Variants in KLF6 observed in about 807,000 individuals in gnomAD.
The protein encoded by KLF6 is KLF transcription factor 6, also known as Krueppel-like factor 6.
For missense variants in KLF6, 233 were observed against 359.8 expected, an observed-to-expected ratio of 0.65 and a Z score of 2.85; for synonymous variants, 152 against 147.9, an observed-to-expected ratio of 1.03 and a Z score of -0.20.
In KLF6 at chr10:3,777,129, TA is replaced by T. The variant is rs35557366; in HGVS notation, c.*2409del. ...AGGTAAATGTATTCATCAGCCCAGA[TA>T]AAAAAAAAACCAGTTATGTGAGCGT... On this transcript the variant is annotated 3_prime_UTR_variant, in exon 4 of 4. Transcript: ENST00000497571. 141 of 480,196 alleles carry T rather than the reference TA, an allele frequency of 2.9e-4. No individual in the cohort carries two copies. The highest frequency in any genetic ancestry group is 4.2e-4 in the East Asian group (9 of 21,342). 29.7% of individuals were successfully genotyped at this position (480,196 alleles called of 1,614,324 possible).
chr10:3,780,736 A>G lies in KLF6; in HGVS notation c.677-507T>C. On this transcript the variant is annotated intron_variant, in intron 2 of 3. Coordinates refer to ENST00000497571, the MANE Select transcript of KLF6 (RefSeq NM_001300.6). The surrounding 1 kb of genome is among the most constrained non-coding windows in gnomAD (Gnocchi z 4.6). The stretch of plus-strand genomic sequence containing the variant: ...GTACAGGGCCCCGGAATCATTCTCT[A>G]AATGGCAATTGAACAACTGGGTTCA... 4.8e-6 allele frequency: 1 copy of G among 207,052 alleles called. No homozygotes were observed. 12.8% of individuals were successfully genotyped at this position (207,052 alleles called of 1,614,324 possible).
chr10:3,782,163 C>A lies in KLF6; in HGVS notation c.154G>T (p.Ala52Ser). The change falls in exon 2 of 4, where the codon GCC becomes TCC. Residue 52 changes from alanine to serine, a missense_variant. By Grantham distance (99) the Ala-to-Ser change is moderately conservative. Coordinates refer to ENST00000497571, the MANE Select transcript of KLF6 (RefSeq NM_001300.6). This position sits in a 1 kb window ranked among gnomAD's most constrained non-coding sequence, Gnocchi z 4.3. ...YLQSEPCYVS[A>S]SEIKFDSQED... Reference sequence around the variant, plus strand: ...TGGCTGTCAAATTTGATTTCTGAGGCTGAAACATAGCAGGGCTCGCTCTGG... The same window carrying A: ...TGGCTGTCAAATTTGATTTCTGAGGATGAAACATAGCAGGGCTCGCTCTGG... 6.2e-7 allele frequency: 1 copy of A among 1,612,470 alleles called. No homozygotes were observed. The highest frequency in any genetic ancestry group is 8.5e-7 in the Non-Finnish European group (1 of 1,180,022).
In KLF6 at chr10:3,781,822, C is replaced by T. The variant is rs762306015; in HGVS notation, c.495G>A (p.Val165=). 6.2e-7 allele frequency: 1 copy of T among 1,614,242 alleles called. No homozygotes were observed. Among genetic ancestry groups the T allele is most frequent in the South Asian group, 1.1e-5 (1 of 91,088 alleles). The part of the protein sequence containing the change: ...SREPSQLWGC[V]PGELPSPGKV... ...TCCCTGGCGAGGGCAGCTCCCCGGG[C>T]ACGCAACCCCACAGTTGAGAAGGTT... The change falls in exon 2 of 4, where the codon GTG becomes GTA. Residue 165 remains valine (V), a synonymous_variant. Transcript: ENST00000497571. The surrounding 1 kb of genome is among the most constrained non-coding windows in gnomAD (Gnocchi z 5.8).
In KLF6 at chr10:3,781,923, C is replaced by T. The variant is rs1832534238; in HGVS notation, c.394G>A (p.Glu132Lys). The T allele has an allele frequency of 6.2e-7, 1 of 1,614,204 alleles. No individual in the cohort carries two copies. Among genetic ancestry groups the T allele is most frequent in the Non-Finnish European group, 8.5e-7 (1 of 1,180,046 alleles). ...TAKFTSDPIG[E>K]VLVSSGKLSS... ...AATTTTCCCGAGCTGACCAAAACTT[C>T]GCCAATGGGGTCGGAGGTAAACTTG... Residue 132 changes from glutamate to lysine, a missense_variant, in exon 2 of 4, where the codon GAA becomes AAA. Coordinates refer to ENST00000497571, the MANE Select transcript of KLF6 (RefSeq NM_001300.6). The surrounding 1 kb of genome is among the most constrained non-coding windows in gnomAD (Gnocchi z 5.8).
Position 3,781,293 on chromosome 10 carries a change from T to G in KLF6, c.676+348A>C, listed in dbSNP as rs773797443. The G allele has an allele frequency of 4.9e-5, 41 of 843,804 alleles. No homozygotes were observed. Among genetic ancestry groups the G allele is most frequent in the Non-Finnish European group, 7.2e-5 (41 of 565,846 alleles). The allele number at this position is 843,804 out of a possible 1,614,324, so 52.3% of individuals were successfully genotyped here. ...TTCATTTAGGAAACCCCAGGGCCGC[T>G]CGAGGTAGCCTCGTGCGAGTGCACT... On this transcript the variant is annotated intron_variant, in intron 2 of 3. Transcript: ENST00000497571. This position sits in a 1 kb window ranked among gnomAD's most constrained non-coding sequence, Gnocchi z 5.8.
At position 3,776,195 on chromosome 10, in the gene KLF6, A is replaced by G; in HGVS notation, c.*3344T>C. The G allele has an allele frequency of 3.8e-6, 2 of 531,910 alleles. No homozygotes were observed. The highest frequency in any genetic ancestry group is 1.5e-5 in the South Asian group (1 of 65,166). The allele number at this position is 531,910 out of a possible 1,614,324, so 32.9% of individuals were successfully genotyped here. A position where few individuals can be genotyped will look rare whatever the true frequency, so the allele number is the denominator to read the frequency against. On this transcript the variant is annotated 3_prime_UTR_variant, in exon 4 of 4. Transcript: ENST00000497571. ...CTGGAGCAGGCTGTGGAGGCACAGA[A>G]GTGGCAGGGAAACACTCAAGTTTGT...
In KLF6 at chr10:3,776,537, AC is replaced by A. The variant is rs770712885; in HGVS notation, c.*3001del. On this transcript the variant is annotated 3_prime_UTR_variant, in exon 4 of 4. Transcript: ENST00000497571. ...CAACAACCCCCTTCCCCCAAAAAAA[AC>A]AACCAGACTCAAGATGCTGATAAGA... 3.4e-5 allele frequency: 18 copies of A among 528,148 alleles called. No individual in the cohort carries two copies. The highest frequency in any genetic ancestry group is 2.6e-4 in the South Asian group (17 of 65,114). The allele number at this position is 528,148 out of a possible 1,614,324, so 32.7% of individuals were successfully genotyped here. A position where few individuals can be genotyped will look rare whatever the true frequency, so the allele number is the denominator to read the frequency against.
chr10:3,782,991 T>C lies in KLF6; in HGVS notation c.103-777A>G, dbSNP rs1441255704. On this transcript the variant is annotated intron_variant, in intron 1 of 3. Coordinates refer to ENST00000497571, the MANE Select transcript of KLF6 (RefSeq NM_001300.6). This position sits in a 1 kb window ranked among gnomAD's most constrained non-coding sequence, Gnocchi z 4.3. Reference sequence around the variant, plus strand: ...CATGGCCATCTGCTATTGTGAAGGGTGCAAGGGGAAATTACTCCACGGCCC... The same window carrying C: ...CATGGCCATCTGCTATTGTGAAGGGCGCAAGGGGAAATTACTCCACGGCCC... 6.6e-6 allele frequency among the ~76,000 whole-genome samples: 1 copy of C among 152,110 alleles called. No individual in the cohort carries two copies. Among genetic ancestry groups the C allele is most frequent in the Admixed American group, 6.5e-5 (1 of 15,276 alleles).
Position 3,781,326 on chromosome 10 carries a change from G to A in KLF6, c.676+315C>T. The A allele has an allele frequency of 4.3e-6, 5 of 1,153,254 alleles. No individual in the cohort carries two copies. Among genetic ancestry groups the A allele is most frequent in the Non-Finnish European group, 4.7e-6 (4 of 842,950 alleles). The allele number at this position is 1,153,254 out of a possible 1,614,324, so 71.4% of individuals were successfully genotyped here. ...GCCTCGTGCGAGTGCACTGGTGAAG[G>A]GGCAGTGGCCTCGGATCCCCAGCAC... is the stretch of plus-strand genomic sequence containing the variant. On this transcript the variant is annotated intron_variant, in intron 2 of 3. Transcript: ENST00000497571. The surrounding 1 kb of genome is among the most constrained non-coding windows in gnomAD (Gnocchi z 5.8).
In KLF6 at chr10:3,776,345, A is replaced by C. The variant is rs1392858735; in HGVS notation, c.*3194T>G. ...GTCAGTCCTTGGAGAAGAGTATTTG[A>C]TGCATTCAGGGAGGGCAATGTCAGG... On this transcript the variant is annotated 3_prime_UTR_variant, in exon 4 of 4. Coordinates refer to ENST00000497571, the MANE Select transcript of KLF6 (RefSeq NM_001300.6). 11 of 532,252 alleles carry C rather than the reference A, an allele frequency of 2.1e-5. No homozygotes were observed. The highest frequency in any genetic ancestry group is 1.1e-4 in the Admixed American group (5 of 44,950). 33.0% of individuals were successfully genotyped at this position (532,252 alleles called of 1,614,324 possible).
rs11252089 is a variant in KLF6 at position 3,781,892 on chromosome 10, G to C, written c.425C>G (p.Ser142Cys). ...AGATGGAGGCGTGGAGGTGACAGAG[G>C]AGCTCAATTTTCCCGAGCTGACCAA... Reference protein sequence around the residue: ...EVLVSSGKLSSSVTSTPPSSP... With the variant: ...EVLVSSGKLSCSVTSTPPSSP... The change falls in exon 2 of 4, where the codon TCC (serine) becomes TGC (cysteine). Residue 142 changes from serine to cysteine, a missense_variant. Physicochemically the swap from Ser to Cys is moderately radical, Grantham distance 112. Coordinates refer to ENST00000497571, the MANE Select transcript of KLF6 (RefSeq NM_001300.6). The surrounding 1 kb of genome is among the most constrained non-coding windows in gnomAD (Gnocchi z 5.8). The C allele has an allele frequency of 6.2e-7, 1 of 1,614,088 alleles. No homozygotes were observed. The highest frequency in any genetic ancestry group is 1.1e-5 in the South Asian group (1 of 91,090).
Position 3,779,017 on chromosome 10 carries a change from T to G in KLF6, c.*522A>C, listed in dbSNP as rs1474780143. The G allele has an allele frequency of 7.5e-6, 4 of 530,114 alleles. No individual in the cohort carries two copies. Among genetic ancestry groups the G allele is most frequent in the Admixed American group, 4.5e-5 (2 of 44,026 alleles). The allele number at this position is 530,114 out of a possible 1,614,324, so 32.8% of individuals were successfully genotyped here. A position where few individuals can be genotyped will look rare whatever the true frequency, so the allele number is the denominator to read the frequency against. On this transcript the variant is annotated 3_prime_UTR_variant, in exon 4 of 4. Coordinates refer to ENST00000497571, the MANE Select transcript of KLF6 (RefSeq NM_001300.6). ...CCACGCCCACCCTCCAAGATTTTCC[T>G]TCTTTTTTTGTTTTTGTTTTTTTGT...
Position 3,777,196 on chromosome 10 carries a change from G to A in KLF6, c.*2343C>T, listed in dbSNP as rs1450266294. On this transcript the variant is annotated 3_prime_UTR_variant, in exon 4 of 4. Coordinates refer to ENST00000497571, the MANE Select transcript of KLF6 (RefSeq NM_001300.6). ...TCCAGGAAGATCAAACAAAATACCA[G>A]CCCAGCCAGACTCACATGTGTGTAT... 1 of 515,776 alleles carries A rather than the reference G, an allele frequency of 1.9e-6. No individual in the cohort carries two copies. The highest frequency in any genetic ancestry group is 1.9e-5 in the African/African-American group (1 of 52,816). The allele number at this position is 515,776 out of a possible 1,614,324, so 31.9% of individuals were successfully genotyped here.
Position 3,780,604 on chromosome 10 carries a change from A to G in KLF6, c.677-375T>C. ...TTCATGGCAACTGTTTCTCCCAAAC[A>G]CACTTCTGTTCCATCCTCACTTCCC... On this transcript the variant is annotated intron_variant, in intron 2 of 3. Transcript: ENST00000497571. This position sits in a 1 kb window ranked among gnomAD's most constrained non-coding sequence, Gnocchi z 4.6. 1 of 363,816 alleles carries G rather than the reference A, an allele frequency of 2.7e-6. No individual in the cohort carries two copies. Among genetic ancestry groups the G allele is most frequent in the Non-Finnish European group, 5.4e-6 (1 of 186,056 alleles). 22.5% of individuals were successfully genotyped at this position (363,816 alleles called of 1,614,324 possible).
At position 3,781,445 on chromosome 10, in the gene KLF6, A is replaced by C. The variant is rs531827001; in HGVS notation, c.676+196T>G. 2 of 1,528,594 alleles carry C rather than the reference A, an allele frequency of 1.3e-6. No individual in the cohort carries two copies. Among genetic ancestry groups the C allele is most frequent in the Admixed American group, 2.2e-5 (1 of 45,956 alleles). The allele number at this position is 1,528,594 out of a possible 1,614,324, so 94.7% of individuals were successfully genotyped here. A position where few individuals can be genotyped will look rare whatever the true frequency, so the allele number is the denominator to read the frequency against. ...TCTGAAAATTGTTACACATTTATCC[A>C]ACTCAAAAGTCCAGTCTTTAGGATT... On this transcript the variant is annotated intron_variant, in intron 2 of 3. Coordinates refer to ENST00000497571, the MANE Select transcript of KLF6 (RefSeq NM_001300.6). This position sits in a 1 kb window ranked among gnomAD's most constrained non-coding sequence, Gnocchi z 5.8.
chr10:3,776,932 C>CTTTTTT lies in KLF6; in HGVS notation c.*2601_*2606dup. On this transcript the variant is annotated 3_prime_UTR_variant, in exon 4 of 4. Transcript: ENST00000497571. ...AAGCCAGTGCAAGTTTTTTTTTTTC[C>CTTTTTT]TTTTTTTTTTTTTGTCTTTTGCTTA... The CTTTTTT allele has an allele frequency of 3.1e-5, 13 of 417,594 alleles. No individual in the cohort carries two copies. The highest frequency in any genetic ancestry group is 1.0e-4 in the East Asian group (2 of 19,394). 25.9% of individuals were successfully genotyped at this position (417,594 alleles called of 1,614,324 possible). A position where few individuals can be genotyped will look rare whatever the true frequency, so the allele number is the denominator to read the frequency against.
rs548039556 is a variant in KLF6, at chr10:3,776,006, G to A, written c.*3533C>T. 2.1e-5 allele frequency: 10 copies of A among 470,458 alleles called. No individual in the cohort carries two copies. Among genetic ancestry groups the A allele is most frequent in the African/African-American group, 1.6e-4 (8 of 51,594 alleles). The allele number at this position is 470,458 out of a possible 1,614,324, so 29.1% of individuals were successfully genotyped here. On this transcript the variant is annotated 3_prime_UTR_variant, in exon 4 of 4. Coordinates refer to ENST00000497571, the MANE Select transcript of KLF6 (RefSeq NM_001300.6). ...GAGATGTAACTCCTCTGGCAGTGAT[G>A]TCATCTTTTATTTTCTGCCCTCCTT...
At position 3,778,693 on chromosome 10, in the gene KLF6, C is replaced by G. The variant is rs2131093507; in HGVS notation, c.*846G>C. The stretch of plus-strand genomic sequence containing the variant: ...CTGTATTAGACAGATTGGATCTTAG[C>G]TGCTCATTAACTGGAATCAGTATTG... On this transcript the variant is annotated 3_prime_UTR_variant, in exon 4 of 4. Coordinates refer to ENST00000497571, the MANE Select transcript of KLF6 (RefSeq NM_001300.6). 1.9e-6 allele frequency: 1 copy of G among 527,954 alleles called. No homozygotes were observed. The highest frequency in any genetic ancestry group is 2.2e-5 in the Admixed American group (1 of 44,758). 32.7% of individuals were successfully genotyped at this position (527,954 alleles called of 1,614,324 possible). A position where few individuals can be genotyped will look rare whatever the true frequency, so the allele number is the denominator to read the frequency against.
chr10:3,779,664 A>C (rs1035079910), intron 3 of KLF6, 74 bp from the exon 4 acceptor site: 1 of 1,366,652 alleles, frequency 7.3e-7, no homozygotes, highest in Non-Finnish European at 1.0e-6. Context: ...CAGCGCCCTC[A>C]CCTCCCTGCC....
Sources: allele counts gnomAD v4.1 joint callset (sites outside exome capture counted in the v4.1 genomes callset), GRCh38; gene constraint gnomAD v4.1.1; non-coding constraint Gnocchi (gnomAD v3.1); transcripts MANE v1.5; gene names NCBI Gene and HGNC (gene_info 2026-07-23, HGNC 2026-07-21).